Variants in GIGYF2 observed in about 807,000 individuals in gnomAD.
The protein encoded by GIGYF2 is GRB10 interacting GYF protein 2.
A neutral mutation model predicts 208.1 loss-of-function variants in GIGYF2; 25 were observed. The observed-to-expected ratio is 0.12, with a 90% confidence interval of 0.09 to 0.17. The LOEUF (loss-of-function observed/expected upper bound fraction) is 0.17. Ranked by LOEUF, GIGYF2 falls within the 10% of genes least tolerant of loss-of-function variation. The probability of loss-of-function intolerance (pLI) is 1.00; values close to 1 mark genes in which losing one functional copy is unlikely to be tolerated. For missense variants in GIGYF2, 1,302 were observed against 1,579.4 expected, an observed-to-expected ratio of 0.82 and a Z score of 2.98; for synonymous variants, 534 against 543.8, an observed-to-expected ratio of 0.98 and a Z score of 0.25.
chr2:232,730,634 C>T (rs1194481525), intron 2 of GIGYF2, among the ~76,000 whole-genome samples: 1 of 143,842 alleles, frequency 7.0e-6, no homozygotes, highest in African/African-American at 2.6e-5. Flanking sequence ...CGCGGTGGCT[C>T]ACGCCTGTAA....
intron 2 of GIGYF2, among the ~76,000 whole-genome samples, chr2:232,719,405 C>T (rs1559380816): frequency 1.3e-5 from 2 of 152,114 alleles, no homozygotes; most frequent in Non-Finnish European, 2.9e-5. Context: ...ATTTCCTGAG[C>T]TCAGAAGTTG....
intron 28 of GIGYF2, among the ~76,000 whole-genome samples, chr2:232,852,542 C>T (rs1690393811): frequency 6.6e-6 from 1 of 151,382 alleles, no homozygotes; most frequent in Non-Finnish European, 1.5e-5. Context: ...AGTGAGACTC[C>T]GTCTCAAAAA....
At chr2:232,814,896 A>AATAGTC (rs1261584946) in intron 18 of GIGYF2, among the ~76,000 whole-genome samples, 1 of 152,228 alleles carries the variant, frequency 6.6e-6, no homozygotes, top group African/African-American at 2.4e-5. Context: ...ATAGACTATG[A>AATAGTC]TAGGAATGTA....
rs1195304801 is a variant in GIGYF2, at chr2:232,815,010, C to CTA, written c.2108-627_2108-626insTA. On this transcript the variant is annotated intron_variant, in intron 18 of 28. Coordinates refer to ENST00000373563, the MANE Select transcript of GIGYF2 (RefSeq NM_001103146.3). ...TTGTTTACTTCCAAATGTGATCTTG[C>CTA]AGTGCCCTTCAGGTTAGCAGGACCA... Among the ~76,000 whole-genome samples the CTA allele has an allele frequency of 3.9e-5, 6 of 152,220 alleles. No individual in the cohort carries two copies. In the East Asian group the frequency reaches 1.2e-3, roughly 29 times the overall value.
intron 8 of GIGYF2, chr2:232,765,285 C>T (rs1027535580): frequency 6.6e-6 from 1 of 152,118 alleles, no homozygotes; most frequent in African/African-American, 2.4e-5. Context: ...CTAGTTTGTT[C>T]AGGCACACTG....
At chr2:232,734,632 T>C (rs938731636) in intron 2 of GIGYF2, 1 of 156,096 alleles carries the variant, frequency 6.4e-6, no homozygotes, top group African/African-American at 2.4e-5. Flanking sequence ...TGATACACAC[T>C]GTCTGTTAAA....
intron 21 of GIGYF2, chr2:232,828,587 A>G (rs1701322699): frequency 6.6e-6 from 1 of 152,164 alleles, no homozygotes; most frequent in African/African-American, 2.4e-5. Flanking sequence ...AGAGTAGCTG[A>G]AACTACAAGC....
intron 28 of GIGYF2, among the ~76,000 whole-genome samples, chr2:232,855,462 AT>A: frequency 6.6e-6 from 1 of 152,344 alleles, no homozygotes; most frequent in South Asian, 2.1e-4. Flanking sequence ...CTTTTGGTTA[AT>A]CAAACATTGC....
intron 9 of GIGYF2, 93 bp from the exon 10 acceptor site, chr2:232,790,605 T>G: frequency 9.4e-7 from 1 of 1,066,046 alleles, no homozygotes; most frequent in Non-Finnish European, 1.5e-6. Flanking sequence ...TGCGGTCACT[T>G]GTAGTTTTCT....
chr2:232,856,274 C>T (rs557455605), intron 28 of GIGYF2, among the ~76,000 whole-genome samples: 2 of 152,178 alleles, frequency 1.3e-5, no homozygotes, highest in Admixed American at 6.5e-5. Flanking sequence ...TTTTATTTTC[C>T]TTCCTAATTA....
At position 232,806,403 on chromosome 2, in the gene GIGYF2, G is replaced by A. The variant is rs1189341907; in HGVS notation, c.1640-88G>A. The A allele has an allele frequency of 6.5e-6, 6 of 923,812 alleles. No individual in the cohort carries two copies. Among genetic ancestry groups the A allele is most frequent in the African/African-American group, 3.2e-5 (2 of 61,696 alleles). The allele number at this position is 923,812 out of a possible 1,614,324, so 57.2% of individuals were successfully genotyped here. A position where few individuals can be genotyped will look rare whatever the true frequency, so the allele number is the denominator to read the frequency against. On this transcript the variant is annotated intron_variant, in intron 14 of 28. Transcript: ENST00000373563. This position sits in a 1 kb window ranked among gnomAD's most constrained non-coding sequence, Gnocchi z 4.0. ...AAAACATTTTGACAGATGCCACCTC[G>A]ATGAGAATCAGATGCAGGAAATATT...
intron 20 of GIGYF2, 146 bp downstream of exon 20, chr2:232,817,178 C>T: frequency 1.3e-6 from 1 of 743,208 alleles, no homozygotes; most frequent in Non-Finnish European, 2.4e-6. Flanking sequence ...GAAAGAATCT[C>T]TGTTTTTCAC....
Position 232,849,303 on chromosome 2 carries a change from T to A in GIGYF2, c.3685-959T>A, listed in dbSNP as rs557346607. The stretch of plus-strand genomic sequence containing the variant: ...CCTCAGACTCCCGAGTAGCTGGGAC[T>A]ACAGGCACGCACCACCATGCCTGGC... On this transcript the variant is annotated intron_variant, in intron 27 of 28. Coordinates refer to ENST00000373563, the MANE Select transcript of GIGYF2 (RefSeq NM_001103146.3). Among the ~76,000 whole-genome samples, 4 of 152,222 alleles carry A rather than the reference T, an allele frequency of 2.6e-5. No homozygotes were observed. The East Asian group carries it at 7.7e-4, about 29-fold the overall frequency.
intron 22 of GIGYF2, among the ~76,000 whole-genome samples, chr2:232,836,268 A>G (rs1329237510): frequency 8.6e-4 from 1 of 1,160 alleles, no homozygotes; most frequent in Non-Finnish European, 0.01. Flanking sequence ...CTCTACATAT[A>G]TATATATATA....
chr2:232,787,077 A>C lies in GIGYF2; in HGVS notation c.533-73A>C, dbSNP rs1699937370. 2.8e-6 allele frequency: 3 copies of C among 1,066,350 alleles called. No homozygotes were observed. The East Asian group carries it at 7.1e-5, about 25-fold the overall frequency. The allele number at this position is 1,066,350 out of a possible 1,614,324, so 66.1% of individuals were successfully genotyped here. ...CCCATTTGCAGGAAAGCTTGATTTG[A>C]GCTGTGAAGTTTGTTTTCAAAGCCT... On this transcript the variant is annotated intron_variant, in intron 8 of 28. Coordinates refer to ENST00000373563, the MANE Select transcript of GIGYF2 (RefSeq NM_001103146.3).
intron 22 of GIGYF2, among the ~76,000 whole-genome samples, chr2:232,836,300 A>G (rs1040013266): frequency 5.1e-5 from 1 of 19,504 alleles, no homozygotes; most frequent in African/African-American, 1.6e-4. Context: ...ATATATATAT[A>G]TATATATATA....
intron 14 of GIGYF2, among the ~76,000 whole-genome samples, chr2:232,803,111 G>A (rs1425696012): frequency 1.3e-5 from 2 of 152,088 alleles, no homozygotes; most frequent in African/African-American, 2.4e-5. Context: ...GGCTGGTCTC[G>A]AACTCCTGAC....
intron 8 of GIGYF2, chr2:232,765,940 T>C (rs770531736): frequency 1.4e-4 from 65 of 470,990 alleles, no homozygotes; most frequent in Non-Finnish European, 2.2e-4. Flanking sequence ...TTCCTGATCA[T>C]GTGTGCAAGA....
chr2:232,723,887 C>G (rs1365539576), intron 2 of GIGYF2, among the ~76,000 whole-genome samples: 2 of 151,554 alleles, frequency 1.3e-5, no homozygotes, highest in Non-Finnish European at 2.9e-5. Flanking sequence ...CAGGCTTTTG[C>G]CACCACGCCT....
Sources: gnomAD v4.1 joint callset for allele counts (sites outside exome capture counted in the v4.1 genomes callset) on GRCh38, gnomAD v4.1.1 for gene constraint, Gnocchi (gnomAD v3.1) non-coding constraint, MANE v1.5 for transcripts, NCBI Gene and HGNC (gene_info 2026-07-23, HGNC 2026-07-21) for gene names.